SLC8A1: variants seen among roughly 807,000 people sequenced by gnomAD.
SLC8A1 encodes the protein solute carrier family 8 member A1, also known as sodium/calcium exchanger 1.
SLC8A1 carries 18 observed loss-of-function variants against 68.3 expected under a neutral mutation model. The ratio of observed to expected loss-of-function variants is 0.26; its 90% confidence interval spans 0.18 to 0.39. The LOEUF is 0.39. Ranked by LOEUF, SLC8A1 falls within the 10% of genes least tolerant of loss-of-function variation. The pLI is 1.00. For missense variants in SLC8A1, 985 were observed against 1,156.7 expected (o/e 0.85, Z 2.15); for synonymous variants, 475 against 415.5 (o/e 1.14, Z -1.74).
At chr2:40,391,191 TAC>T (rs1190283305) in intron 2 of SLC8A1, among the ~76,000 whole-genome samples, 1 of 13,978 alleles carries the variant, frequency 7.2e-5, no homozygotes, top group Non-Finnish European at 1.3e-4. Flanking sequence ...GTATATATAT[TAC>T]ACACACACAT....
chr2:40,399,611 G>A (rs1244096916), intron 2 of SLC8A1, among the ~76,000 whole-genome samples: 1 of 152,044 alleles, frequency 6.6e-6, no homozygotes. Flanking sequence ...TGCTCCCTAG[G>A]GGCCTTAAAT....
At chr2:40,146,703 G>T (rs979421569) in intron 6 of SLC8A1, among the ~76,000 whole-genome samples, 4 of 151,852 alleles carry the variant, frequency 2.6e-5, no homozygotes, top group East Asian at 1.9e-4. Flanking sequence ...CATCACATTG[G>T]ATATTAATAC....
At chr2:40,240,366 A>T (rs1008677281) in intron 2 of SLC8A1, among the ~76,000 whole-genome samples, 1 of 152,154 alleles carries the variant, frequency 6.6e-6, no homozygotes, top group African/African-American at 2.4e-5. Context: ...CTAACCATTC[A>T]GGATGTGATT....
At chr2:40,161,924 A>G (rs1445852773) in intron 5 of SLC8A1, among the ~76,000 whole-genome samples, 1 of 152,210 alleles carries the variant, frequency 6.6e-6, no homozygotes, top group Non-Finnish European at 1.5e-5. Context: ...GGTTTAAGAG[A>G]GCACATTTCC....
At chr2:40,130,538 C>T (rs2039113361) in intron 7 of SLC8A1, among the ~76,000 whole-genome samples, 1 of 152,234 alleles carries the variant, frequency 6.6e-6, no homozygotes, top group African/African-American at 2.4e-5. Flanking sequence ...TTAGCTTTGC[C>T]TCTTGGCCTG....
chr2:40,332,284 G>A (rs2149378207), intron 2 of SLC8A1, among the ~76,000 whole-genome samples: 1 of 152,244 alleles, frequency 6.6e-6, no homozygotes, highest in East Asian at 1.9e-4. Context: ...GCTTTTTGAG[G>A]ATGGTGAAGA....
At chr2:40,400,033 C>T (rs1688222204) in intron 2 of SLC8A1, among the ~76,000 whole-genome samples, 1 of 152,138 alleles carries the variant, frequency 6.6e-6, no homozygotes, top group Admixed American at 6.5e-5. Context: ...TTGTTCTGAT[C>T]TAATTAACAG....
chr2:40,395,742 G>A (rs1201908345), intron 2 of SLC8A1, among the ~76,000 whole-genome samples: 1 of 152,016 alleles, frequency 6.6e-6, no homozygotes, highest in African/African-American at 2.4e-5. Flanking sequence ...ATTAAGACAT[G>A]GGAAAGGAAA....
intron 2 of SLC8A1, among the ~76,000 whole-genome samples, chr2:40,234,325 A>G (rs2060076554): frequency 6.6e-6 from 1 of 151,142 alleles, no homozygotes; most frequent in Non-Finnish European, 1.5e-5. Flanking sequence ...ATCCCTTGTA[A>G]GTTGGATTCC....
At chr2:40,253,898 G>A (rs1289187381) in intron 2 of SLC8A1, among the ~76,000 whole-genome samples, 2 of 110,848 alleles carry the variant, frequency 1.8e-5, no homozygotes, top group Non-Finnish European at 3.6e-5. Flanking sequence ...AGAAACAAAC[G>A]TTGGTTTATG....
intron 2 of SLC8A1, among the ~76,000 whole-genome samples, chr2:40,204,047 AT>A (rs2054912056): frequency 6.6e-6 from 1 of 152,122 alleles, no homozygotes; most frequent in East Asian, 1.9e-4. Flanking sequence ...TACAAACCAC[AT>A]TTAAGTGAGG....
At chr2:40,103,507 T>A (rs765329256) in exon 8 of SLC8A1, 1 of 152,192 alleles carries the variant, frequency 6.6e-6, no homozygotes. Flanking sequence ...TCTTTCTGCC[T>A]GGTCATTGCA....
chr2:40,511,771 A>G (rs1706742029), intron 1 of SLC8A1, among the ~76,000 whole-genome samples: 2 of 152,314 alleles, frequency 1.3e-5, no homozygotes, highest in Non-Finnish European at 2.9e-5. Context: ...CAACTTGCGT[A>G]AGACCCCGTG....
At chr2:40,212,096 A>G (rs578200152) in intron 2 of SLC8A1, among the ~76,000 whole-genome samples, 15 of 152,236 alleles carry the variant, frequency 9.9e-5, no homozygotes, top group Admixed American at 9.2e-4. Flanking sequence ...TAAAGATTTT[A>G]TGTAATTTAA....
At chr2:40,449,244 G>C (rs1402343621) in intron 1 of SLC8A1, among the ~76,000 whole-genome samples, 1 of 151,536 alleles carries the variant, frequency 6.6e-6, no homozygotes, top group Non-Finnish European at 1.5e-5. Context: ...CCACATCTAT[G>C]AGCTAAATGA....
chr2:40,353,931 G>T (rs962543967), intron 2 of SLC8A1, among the ~76,000 whole-genome samples: 1 of 152,186 alleles, frequency 6.6e-6, no homozygotes, highest in Non-Finnish European at 1.5e-5. Context: ...AGTAGATATT[G>T]AATAAGCGTA....
At chr2:40,391,867 T>C (rs1341601877) in intron 2 of SLC8A1, among the ~76,000 whole-genome samples, 3 of 152,056 alleles carry the variant, frequency 2.0e-5, no homozygotes, top group African/African-American at 7.2e-5. Context: ...CAGCCTCATG[T>C]CACTAGGCTT....
At position 40,247,911 on chromosome 2, in the gene SLC8A1, G is replaced by C. The variant is rs148878750; in HGVS notation, c.1809-70056C>G. Among the ~76,000 whole-genome samples, 999 of 152,256 alleles carry C rather than the reference G, an allele frequency of 6.6e-3. 9 individuals are homozygous for C. Among genetic ancestry groups the C allele is most frequent in the African/African-American group, 0.023 (957 of 41,544 alleles). On this transcript the variant is annotated intron_variant, in intron 2 of 7. Coordinates refer to ENST00000406785, the Ensembl canonical transcript of SLC8A1. ...ACTATTACCTGAAATAGACTTGGAG[G>C]CAAAAATAAACTTATGTCAGCTATA...
In SLC8A1 at chr2:40,501,996, C is replaced by T. The variant is rs571958590; in HGVS notation, c.-25+10353G>A. Among the ~76,000 whole-genome samples the T allele has an allele frequency of 3.9e-5, 6 of 152,146 alleles. 1 individual carries two copies. Among genetic ancestry groups the T allele is most frequent in the South Asian group, 4.1e-4 (2 of 4,828 alleles). ...AAAGACTGTTTTCATCATCTCTAGACGTCTTAACATCATCCTCACAAGAAT... is the reference window on the plus strand; with the variant it reads ...AAAGACTGTTTTCATCATCTCTAGATGTCTTAACATCATCCTCACAAGAAT... On this transcript the variant is annotated intron_variant, in intron 1 of 7. Transcript: ENST00000402441.
Sources: allele counts gnomAD v4.1 joint callset (sites outside exome capture counted in the v4.1 genomes callset), GRCh38; gene constraint gnomAD v4.1.1; transcripts MANE v1.5; gene names NCBI Gene and HGNC (gene_info 2026-07-23, HGNC 2026-07-21).